Variants in RABEP2 observed in about 807,000 individuals in gnomAD.
The protein encoded by RABEP2 is rabaptin, RAB GTPase binding effector protein 2.
In RABEP2, 57 loss-of-function variants were observed where a neutral mutation model predicts 74.1. The observed-to-expected ratio is 0.77, with a 90% CI of 0.62 to 0.96. The LOEUF (loss-of-function observed/expected upper bound fraction) is 0.96. Ranked by LOEUF, RABEP2 falls within the 40% of genes least tolerant of loss-of-function variation. RABEP2 has a pLI of 0.00. For missense variants in RABEP2, 692 were observed against 756.3 expected (o/e 0.91, Z 1.00); for synonymous variants, 351 against 344.0 (o/e 1.02, Z -0.23).
At chr16:28,914,881 A>C in intron 3 of RABEP2, 99 bp from the exon 4 acceptor site, 1 of 994,664 alleles carries the variant, frequency 1.0e-6, no homozygotes, top group South Asian at 1.5e-5. Context: ...AGCTCTCCTA[A>C]TCCTCCCTAG....
chr16:28,914,065 G>A (rs1167061595), intron 5 of RABEP2, among the ~76,000 whole-genome samples, 171 bp downstream of exon 5: 2 of 151,564 alleles, frequency 1.3e-5, no homozygotes, highest in Admixed American at 6.6e-5. Flanking sequence ...GTGAGCCACC[G>A]CACCTGGCCC....
intron 3 of RABEP2, among the ~76,000 whole-genome samples, chr16:28,915,542 G>A (rs918246222): frequency 2.6e-5 from 4 of 152,118 alleles, no homozygotes; most frequent in Middle Eastern, 3.4e-3. Flanking sequence ...TATTTTATTT[G>A]TATTATTATT....
At chr16:28,921,763 G>A (rs538626091) in intron 2 of RABEP2, among the ~76,000 whole-genome samples, 9 of 150,240 alleles carry the variant, frequency 6.0e-5, no homozygotes, top group Admixed American at 4.7e-4. Context: ...TCAGGAGTTC[G>A]AGACCAGCCT....
intron 3 of RABEP2, among the ~76,000 whole-genome samples, chr16:28,915,705 C>T (rs1002128864): frequency 1.3e-5 from 2 of 151,754 alleles, no homozygotes; most frequent in South Asian, 2.1e-4. Flanking sequence ...CCACCACGCC[C>T]GGCTAATTTT....
intron 7 of RABEP2, 35 bp downstream of exon 7, chr16:28,910,853 C>T: frequency 6.4e-7 from 1 of 1,567,070 alleles, no homozygotes; most frequent in Non-Finnish European, 8.7e-7. Context: ...TGCTGGACTC[C>T]TCGCCCTCCT....
intron 8 of RABEP2, 90 bp from the exon 9 acceptor site, chr16:28,906,286 C>T (rs528717303): frequency 2.4e-5 from 34 of 1,433,072 alleles, no homozygotes; most frequent in Non-Finnish European, 2.8e-5. Context: ...TCGGGAGGAA[C>T]GGGGAAGGAA....
chr16:28,907,755 G>A (rs1406975886), intron 8 of RABEP2, among the ~76,000 whole-genome samples: 2 of 152,054 alleles, frequency 1.3e-5, no homozygotes, highest in African/African-American at 4.8e-5. Flanking sequence ...TTCTGCCTTA[G>A]CCTCCCAAGT....
intron 3 of RABEP2, 118 bp from the exon 4 acceptor site, chr16:28,914,900 G>T: frequency 1.3e-6 from 1 of 793,030 alleles, no homozygotes; most frequent in Non-Finnish European, 2.0e-6. Context: ...AGAAGGTGCT[G>T]TCCACCCTCA....
intron 3 of RABEP2, among the ~76,000 whole-genome samples, chr16:28,915,902 C>A (rs1964386796): frequency 6.9e-6 from 1 of 145,610 alleles, no homozygotes; most frequent in African/African-American, 2.6e-5. Context: ...TGCAATGGCA[C>A]TATCTCTGCT....
At chr16:28,914,202 T>A in intron 5 of RABEP2, 34 bp downstream of exon 5, 2 of 1,513,400 alleles carry the variant, frequency 1.3e-6, no homozygotes, top group Non-Finnish European at 1.8e-6. Context: ...GAGAGGGGGA[T>A]GGTACACCCC....
chr16:28,906,216 C>A lies in RABEP2; in HGVS notation c.1246-20G>T. 6.4e-7 allele frequency: 1 copy of A among 1,557,690 alleles called. No individual in the cohort carries two copies. Among genetic ancestry groups the A allele is most frequent in the South Asian group, 1.2e-5 (1 of 84,916 alleles). On this transcript the variant is annotated intron_variant, in intron 8 of 12. Coordinates refer to ENST00000358201, the MANE Select transcript of RABEP2 (RefSeq NM_024816.3). The stretch of plus-strand genomic sequence containing the variant: ...CAGCTCCTGGAAGGGACGGAGGAGT[C>A]ACCTGCTGGGCTGGGGCAGGAGGGC...
At chr16:28,909,266 G>A (rs1276371019) in intron 7 of RABEP2, among the ~76,000 whole-genome samples, 1 of 151,894 alleles carries the variant, frequency 6.6e-6, no homozygotes. Flanking sequence ...TAGTAGAGAC[G>A]GGGTTTCACC....
rs767327883 is a variant in RABEP2 at position 28,910,940 on chromosome 16, C to T, written c.1037G>A (p.Arg346Gln). 7.4e-6 allele frequency: 12 copies of T among 1,613,152 alleles called. No homozygotes were observed. Among genetic ancestry groups the T allele is most frequent in the South Asian group, 4.4e-5 (4 of 90,966 alleles). ...AQVQNSEQLLRTLQGTVSQAQ... is the reference protein window; with the variant it reads ...AQVQNSEQLLQTLQGTVSQAQ... ...CTGGCTCACGGTCCCTTGCAGGGTC[C>T]GCAGCAGCTGCTCTGAGTTCTGGAC... is the stretch of plus-strand genomic sequence containing the variant. Residue 346 changes from arginine to glutamine, a missense_variant, in exon 7 of 13, where the codon CGG becomes CAG. By Grantham distance (43) the Arg-to-Gln change is conservative (BLOSUM62 1). Coordinates refer to ENST00000358201, the MANE Select transcript of RABEP2 (RefSeq NM_024816.3).
Position 28,908,729 on chromosome 16 carries a change from A to G in RABEP2, c.1125T>C (p.His375=), listed in dbSNP as rs761063410. 6.2e-7 allele frequency: 1 copy of G among 1,613,090 alleles called. No homozygotes were observed. Among genetic ancestry groups the G allele is most frequent in the East Asian group, 2.2e-5 (1 of 44,848 alleles). The change falls in exon 8 of 13, where the codon CAT becomes CAC. Residue 375 remains histidine, a synonymous_variant. Coordinates refer to ENST00000358201, the MANE Select transcript of RABEP2 (RefSeq NM_024816.3). ...TTTCCTCATTCAACCGCTTTACCTC[A>G]TGGTGCAGGCACTTGTGGGTGGTGA... The part of the protein sequence containing the change: ...ELVTTHKCLH[H]EVKRLNEENQ...
chr16:28,914,797 G>T lies in RABEP2; in HGVS notation c.433-15C>A, dbSNP rs1441593955. The T allele has an allele frequency of 3.1e-6, 5 of 1,611,152 alleles. No homozygotes were observed. The highest frequency in any genetic ancestry group is 4.2e-6 in the Non-Finnish European group (5 of 1,177,714). ...TCCTCGTGGGCCTGGAGGGAGCGGG[G>T]TGTGGCAGCAATAGTTCCCCCTCCA... On this transcript the variant is annotated splice_polypyrimidine_tract_variant and intron_variant, in intron 3 of 12. Coordinates refer to ENST00000358201, the MANE Select transcript of RABEP2 (RefSeq NM_024816.3).
intron 3 of RABEP2, among the ~76,000 whole-genome samples, chr16:28,917,603 G>GT (rs1173409602): frequency 6.6e-6 from 1 of 152,078 alleles, no homozygotes; most frequent in Non-Finnish European, 1.5e-5. Flanking sequence ...TACTTTTTTA[G>GT]TAGAGACGGG....
chr16:28,925,061 A>G, intron 1 of RABEP2, 42 bp downstream of exon 1: 1 of 1,389,834 alleles, frequency 7.2e-7, no homozygotes, highest in Non-Finnish European at 9.3e-7. Context: ...CCCCGCCCCC[A>G]GCATCACCGT....
intron 8 of RABEP2, among the ~76,000 whole-genome samples, chr16:28,906,717 A>G (rs938472811): frequency 2.6e-5 from 4 of 152,122 alleles, no homozygotes; most frequent in Admixed American, 1.3e-4. Context: ...GTGAGCCGAG[A>G]TCGCGCCACT....
intron 2 of RABEP2, among the ~76,000 whole-genome samples, chr16:28,921,503 G>A (rs1964467355): frequency 6.6e-6 from 1 of 151,916 alleles, no homozygotes; most frequent in South Asian, 2.1e-4. Flanking sequence ...TATGTTGGAG[G>A]GACTGGAACA....
Sources: allele counts gnomAD v4.1 joint callset (sites outside exome capture counted in the v4.1 genomes callset), GRCh38; gene constraint gnomAD v4.1.1; transcripts MANE v1.5; gene names NCBI Gene and HGNC (gene_info 2026-07-23, HGNC 2026-07-21).